Variants in STX1B observed in about 807,000 individuals in gnomAD.
The protein encoded by STX1B is syntaxin 1B, also known as syntaxin-1B.
A neutral mutation model predicts 39.4 loss-of-function variants in STX1B; 7 were observed. That is an observed-to-expected ratio of 0.18 (90% CI 0.10 to 0.33). The LOEUF (loss-of-function observed/expected upper bound fraction) is 0.33, where lower values mean the gene tolerates loss of function less well. Ranked by LOEUF, STX1B falls within the 10% of genes least tolerant of loss-of-function variation. STX1B has a pLI of 1.00. For synonymous variants in STX1B, 136 were observed against 144.1 expected, an observed-to-expected ratio of 0.94 and a Z score of 0.40; for missense variants, 198 against 383.2, an observed-to-expected ratio of 0.52 and a Z score of 4.04.
At chr16:31,004,108 TG>T (rs2056645082) in intron 1 of STX1B, among the ~76,000 whole-genome samples, 1 of 152,240 alleles carries the variant, frequency 6.6e-6, no homozygotes, top group Non-Finnish European at 1.5e-5. Context: ...GGGAAGGCTC[TG>T]TGTCCGGACA....
At chr16:31,003,819 T>C (rs369715276) in intron 1 of STX1B, among the ~76,000 whole-genome samples, 3 of 152,292 alleles carry the variant, frequency 2.0e-5, no homozygotes, top group African/African-American at 7.2e-5. Flanking sequence ...ACAAACACTT[T>C]TACATCCATA....
rs564492260 is a variant in STX1B at position 30,993,724 on chromosome 16, CTCACACCTGTAA to C, written c.538-252_538-241del. Among the ~76,000 whole-genome samples the C allele has an allele frequency of 7.7e-4, 117 of 152,312 alleles. 1 individual carries two copies. The highest frequency in any genetic ancestry group is 2.8e-3 in the African/African-American group (115 of 41,570). Reference sequence around the variant, plus strand: ...TGTACACATTGGTCAGGCACGATGGCTCACACCTGTAATCCCAGCACTTTGGGAGGTGTGTAG... The same window carrying C: ...TGTACACATTGGTCAGGCACGATGGCTCCCAGCACTTTGGGAGGTGTGTAG... On this transcript the variant is annotated intron_variant, in intron 7 of 9. Transcript: ENST00000215095.
chr16:31,009,254 C>T (rs1178974015), intron 1 of STX1B, among the ~76,000 whole-genome samples: 1 of 152,126 alleles, frequency 6.6e-6, no homozygotes, highest in Admixed American at 6.6e-5. Context: ...GACAGGAAAC[C>T]CAGATTGCAG....
chr16:31,005,811 C>A (rs1257916058), intron 1 of STX1B, among the ~76,000 whole-genome samples: 1 of 152,166 alleles, frequency 6.6e-6, no homozygotes, highest in East Asian at 1.9e-4. Context: ...GAGTGCAGTG[C>A]CCCTGAGCCC....
chr16:30,990,344 C>G lies in STX1B; in HGVS notation c.*2477G>C, dbSNP rs2056545790. On this transcript the variant is annotated 3_prime_UTR_variant, in exon 10 of 10. Coordinates refer to ENST00000215095, the MANE Select transcript of STX1B (RefSeq NM_052874.5). Reference sequence around the variant, plus strand: ...GACTTGGGGCAGACTTCCTGTCCTGCAGAGGGGCGTTCTGGGAAGGGACAG... The same window carrying G: ...GACTTGGGGCAGACTTCCTGTCCTGGAGAGGGGCGTTCTGGGAAGGGACAG... 1.3e-5 allele frequency: 2 copies of G among 152,462 alleles called. No homozygotes were observed. The highest frequency in any genetic ancestry group is 2.1e-4 in the South Asian group (1 of 4,824). 9.4% of individuals were successfully genotyped at this position (152,462 alleles called of 1,614,324 possible).
At position 30,993,495 on chromosome 16, in the gene STX1B, G is replaced by A. The variant is rs748356317; in HGVS notation, c.538-11C>T. The A allele has an allele frequency of 1.2e-5, 20 of 1,612,782 alleles. No homozygotes were observed. Among genetic ancestry groups the A allele is most frequent in the East Asian group, 2.2e-5 (1 of 44,892 alleles). ...TGAGTCCATTTTGATCTAGGGTGAC[G>A]AGGGAGAGAGCTACAATCACCCTTC... On this transcript the variant is annotated splice_polypyrimidine_tract_variant and intron_variant, in intron 7 of 9. Coordinates refer to ENST00000215095, the MANE Select transcript of STX1B (RefSeq NM_052874.5).
At chr16:30,993,269 G>T (rs751464859) in intron 8 of STX1B, 29 bp from the exon 9 acceptor site, 1 of 1,613,810 alleles carries the variant, frequency 6.2e-7, no homozygotes, top group South Asian at 1.1e-5. Context: ...TGCACAGGGA[G>T]GGATGGGGGC....
intron 5 of STX1B, 150 bp downstream of exon 5, chr16:30,997,352 C>T (rs1204955416): frequency 4.2e-6 from 3 of 707,798 alleles, no homozygotes; most frequent in African/African-American, 1.8e-5. Flanking sequence ...CGCCCAGGGC[C>T]CCGCCCGCTC....
chr16:30,993,568 G>A (rs577296952), intron 7 of STX1B, 84 bp from the exon 8 acceptor site: 54 of 1,514,412 alleles, frequency 3.6e-5, no homozygotes, highest in South Asian at 1.5e-4. Context: ...GGTCAAATCC[G>A]GTGTCATTTA....
chr16:30,993,306 C>T, intron 8 of STX1B, 41 bp downstream of exon 8: 2 of 1,613,578 alleles, frequency 1.2e-6, no homozygotes, highest in African/African-American at 1.3e-5. Flanking sequence ...ACCTCAGGCC[C>T]AGGGAGGCTC....
chr16:31,001,091 C>G lies in STX1B; in HGVS notation c.205+3G>C. The stretch of plus-strand genomic sequence containing the variant: ...CCCCACAGTCACCGGCAGCCACACT[C>G]ACTCTCATCTGGGTTGGGTGCGGCC... On this transcript the variant is annotated splice_donor_region_variant and intron_variant, in intron 3 of 9. Transcript: ENST00000215095. The surrounding 1 kb of genome is among the most constrained non-coding windows in gnomAD (Gnocchi z 5.5). 1 of 1,614,188 alleles carries G rather than the reference C, an allele frequency of 6.2e-7. No individual in the cohort carries two copies.
chr16:30,990,506 G>GT lies in STX1B; in HGVS notation c.*2314dup, dbSNP rs917803594. The GT allele has an allele frequency of 1.3e-5, 2 of 152,410 alleles. No homozygotes were observed. The highest frequency in any genetic ancestry group is 4.8e-5 in the African/African-American group (2 of 41,464). 9.4% of individuals were successfully genotyped at this position (152,410 alleles called of 1,614,324 possible). A position where few individuals can be genotyped will look rare whatever the true frequency, so the allele number is the denominator to read the frequency against. ...TACTGTGTTCTGGGAGGTCACATCT[G>GT]TTTGGCCACATGCACACACAATGCA... On this transcript the variant is annotated 3_prime_UTR_variant, in exon 10 of 10. Coordinates refer to ENST00000215095, the MANE Select transcript of STX1B (RefSeq NM_052874.5).
Position 30,993,276 on chromosome 16 carries a change from G to A in STX1B, c.676-36C>T, listed in dbSNP as rs894098629. The A allele has an allele frequency of 6.2e-6, 10 of 1,613,420 alleles. No homozygotes were observed. The African/African-American group carries it at 1.3e-4, about 22-fold the overall frequency. On this transcript the variant is annotated intron_variant, in intron 8 of 9. Transcript: ENST00000215095. ...AGGAGACATGCACAGGGAGGGATGG[G>A]GGCTGGGCTGGAAGAGGGGACCTCA...
At chr16:31,008,037 T>C (rs547289779) in intron 1 of STX1B, among the ~76,000 whole-genome samples, 37 of 152,234 alleles carry the variant, frequency 2.4e-4, no homozygotes, top group African/African-American at 8.9e-4. Flanking sequence ...AATGCCAAGG[T>C]ACTGTTGGAA....
intron 7 of STX1B, among the ~76,000 whole-genome samples, chr16:30,995,497 T>C (rs564659790): frequency 4.6e-5 from 7 of 151,224 alleles, no homozygotes; most frequent in South Asian, 2.1e-4. Flanking sequence ...TTCTTTCTTT[T>C]TTTTTTTTTT....
chr16:31,010,343 C>A, intron 1 of STX1B, 24 bp downstream of exon 1: 2 of 1,387,888 alleles, frequency 1.4e-6, no homozygotes, highest in East Asian at 2.7e-5. Flanking sequence ...CCCGCCCCCC[C>A]ATTCTCCCCA....
intron 4 of STX1B, among the ~76,000 whole-genome samples, chr16:30,999,686 G>A (rs991436349): frequency 6.6e-6 from 1 of 152,230 alleles, no homozygotes; most frequent in Non-Finnish European, 1.5e-5. Flanking sequence ...AGAGGCATTT[G>A]CTGGGCCCAC....
chr16:30,989,618 AAC>A lies in STX1B; in HGVS notation c.*3201_*3202del, dbSNP rs1288993415. ...TCACGTGACACGCCAGTGACACAGA[AAC>A]ACACGCCAACGCACACGGCTGCACA... is the stretch of plus-strand genomic sequence containing the variant. On this transcript the variant is annotated 3_prime_UTR_variant, in exon 10 of 10. Transcript: ENST00000215095. The A allele has an allele frequency of 2.4e-4, 37 of 152,402 alleles. No individual in the cohort carries two copies. The Middle Eastern group carries it at 0.01, about 42-fold the overall frequency. 9.4% of individuals were successfully genotyped at this position (152,402 alleles called of 1,614,324 possible).
chr16:31,000,500 T>G (rs12716979), intron 4 of STX1B, among the ~76,000 whole-genome samples: 53,143 of 149,880 alleles, frequency 0.35, 10,669 homozygotes, highest in East Asian at 0.89. Context: ...CCCAGCTAAT[T>G]TTTTTTTTTT....
Sources: allele counts gnomAD v4.1 joint callset (sites outside exome capture counted in the v4.1 genomes callset), GRCh38; gene constraint gnomAD v4.1.1; non-coding constraint Gnocchi (gnomAD v3.1); transcripts MANE v1.5; gene names NCBI Gene and HGNC (gene_info 2026-07-23, HGNC 2026-07-21).